Variants in TBC1D14 observed in about 807,000 individuals in gnomAD.
TBC1D14 encodes TBC1 domain family, member 14.
In TBC1D14, 26 loss-of-function variants were observed where a neutral mutation model predicts 79.0. The observed-to-expected ratio is 0.33, with a 90% CI of 0.24 to 0.46. The LOEUF (loss-of-function observed/expected upper bound fraction) is 0.46, where lower values mean the gene tolerates loss of function less well. TBC1D14 is among the 20% of genes least tolerant of loss of function. The probability of loss-of-function intolerance (pLI) is 1.00; values close to 1 mark genes in which losing one functional copy is unlikely to be tolerated. For synonymous variants in TBC1D14, 394 were observed against 349.9 expected, an observed-to-expected ratio of 1.13 and a Z score of -1.40; for missense variants, 769 against 887.6, an observed-to-expected ratio of 0.87 and a Z score of 1.70.
chr4:6,984,143 G>A (rs1265111404), intron 3 of TBC1D14, among the ~76,000 whole-genome samples: 1 of 152,210 alleles, frequency 6.6e-6, no homozygotes, highest in Non-Finnish European at 1.5e-5. Context: ...GGAAGACTCT[G>A]GCTTTGGGAT....
intron 3 of TBC1D14, chr4:6,987,563 T>A (rs1347384049): frequency 2.4e-6 from 1 of 409,008 alleles, no homozygotes; most frequent in Non-Finnish European, 4.3e-6. Flanking sequence ...CTCTCCTCCC[T>A]GGTACTCTTT....
chr4:6,944,562 G>C (rs138972038), intron 2 of TBC1D14, among the ~76,000 whole-genome samples: 199 of 152,348 alleles, frequency 1.3e-3, no homozygotes, highest in African/African-American at 4.3e-3. Context: ...GGCAGATGGA[G>C]TTCACTGTTA....
At chr4:6,945,784 GA>G (rs1713389534) in intron 2 of TBC1D14, among the ~76,000 whole-genome samples, 4 of 98,964 alleles carry the variant, frequency 4.0e-5, no homozygotes, top group African/African-American at 1.1e-4. Context: ...AAAAAAAAAA[GA>G]TGAAAGAAAG....
At position 6,977,079 on chromosome 4, in the gene TBC1D14, CT is replaced by C. The variant is rs1463597763; in HGVS notation, c.843+9656del. On this transcript the variant is annotated intron_variant, in intron 3 of 13. Coordinates refer to ENST00000409757, the MANE Select transcript of TBC1D14 (RefSeq NM_020773.3). ...CCCTCTCCCTCCTCTCCCTCTCCCT[CT>C]CCCTCTCCCCACTGTCTCCCTCTCC... is the stretch of plus-strand genomic sequence containing the variant. Among the ~76,000 whole-genome samples the C allele has an allele frequency of 2.7e-3, 72 of 26,946 alleles. 7 individuals are homozygous for C. Among genetic ancestry groups the C allele is most frequent in the African/African-American group, 5.0e-3 (66 of 13,254 alleles). The allele number at this position is 26,946 out of a possible 152,430, so 17.7% of individuals were successfully genotyped here. A position where few individuals can be genotyped will look rare whatever the true frequency, so the allele number is the denominator to read the frequency against.
At chr4:6,952,444 G>T (rs978102612) in intron 2 of TBC1D14, among the ~76,000 whole-genome samples, 1 of 152,190 alleles carries the variant, frequency 6.6e-6, no homozygotes, top group African/African-American at 2.4e-5. Context: ...CATCCCCTCT[G>T]GTCCCCTGGG....
intron 3 of TBC1D14, among the ~76,000 whole-genome samples, chr4:6,990,992 A>C (rs990888975): frequency 1.3e-5 from 2 of 152,148 alleles, no homozygotes; most frequent in African/African-American, 4.8e-5. Flanking sequence ...CAGTGAGCTT[A>C]CTGTTGTCAC....
intron 2 of TBC1D14, among the ~76,000 whole-genome samples, chr4:6,928,141 C>A (rs974624052): frequency 9.9e-5 from 15 of 152,224 alleles, no homozygotes; most frequent in Admixed American, 8.5e-4. Flanking sequence ...CTCAGATAAT[C>A]TGAGTGCCCT....
chr4:6,946,086 G>T (rs1203960621), intron 2 of TBC1D14, among the ~76,000 whole-genome samples: 1 of 152,142 alleles, frequency 6.6e-6, no homozygotes, highest in Non-Finnish European at 1.5e-5. Flanking sequence ...ACGATCTGAG[G>T]CAAGGTTCTG....
At chr4:7,021,226 G>A (rs536342877) in intron 12 of TBC1D14, among the ~76,000 whole-genome samples, 2 of 152,342 alleles carry the variant, frequency 1.3e-5, no homozygotes, top group East Asian at 1.9e-4. Context: ...CACGTATCAC[G>A]GGGGAAACAG....
At chr4:6,972,133 T>A (rs1331422932) in intron 3 of TBC1D14, among the ~76,000 whole-genome samples, 1 of 152,222 alleles carries the variant, frequency 6.6e-6, no homozygotes, top group Non-Finnish European at 1.5e-5. Flanking sequence ...ATGGCCCTTT[T>A]GTTTGTTTCA....
At chr4:6,925,207 C>T (rs1433555070) in intron 2 of TBC1D14, among the ~76,000 whole-genome samples, 3 of 152,082 alleles carry the variant, frequency 2.0e-5, no homozygotes, top group East Asian at 3.9e-4. Flanking sequence ...GCAGAGGTTG[C>T]GGTGAGCCGA....
chr4:6,961,311 G>T (rs6446556), intron 2 of TBC1D14, among the ~76,000 whole-genome samples: 147,122 of 152,156 alleles, frequency 0.97, 71,334 homozygotes, highest in Middle Eastern at 1. Context: ...TGAGCAGCCT[G>T]TGTGGACAAA....
chr4:6,987,061 A>T, intron 3 of TBC1D14: 1 of 604,462 alleles, frequency 1.7e-6, no homozygotes. Context: ...GTGGGGCCGT[A>T]CCACGGGGAC....
chr4:6,917,195 C>T (rs1383211554), intron 1 of TBC1D14, among the ~76,000 whole-genome samples: 1 of 152,210 alleles, frequency 6.6e-6, no homozygotes, highest in African/African-American at 2.4e-5. Context: ...CTGGGACTGT[C>T]CCTGGAAGCT....
chr4:6,933,860 G>A (rs531384063), intron 2 of TBC1D14, among the ~76,000 whole-genome samples: 2 of 152,312 alleles, frequency 1.3e-5, no homozygotes, highest in East Asian at 1.9e-4. Flanking sequence ...GGAGGCTGTT[G>A]CAAGAGTCCA....
chr4:7,006,968 A>G (rs529833979), intron 9 of TBC1D14, among the ~76,000 whole-genome samples: 188 of 152,244 alleles, frequency 1.2e-3, no homozygotes, highest in African/African-American at 4.4e-3. Flanking sequence ...TCCTCTTGAG[A>G]TACATGTCTC....
intron 2 of TBC1D14, 22 bp from the exon 3 acceptor site, chr4:6,967,282 C>G (rs1416596350): frequency 6.2e-6 from 10 of 1,611,868 alleles, no homozygotes; most frequent in Admixed American, 3.4e-5. Context: ...AATGCCCTAA[C>G]CTTGTTATTT....
In TBC1D14 at chr4:7,030,465, C is replaced by A; in HGVS notation, c.*73C>A. 1.3e-6 allele frequency: 2 copies of A among 1,503,864 alleles called. No homozygotes were observed. The highest frequency in any genetic ancestry group is 1.8e-6 in the Non-Finnish European group (2 of 1,084,006). 93.2% of individuals were successfully genotyped at this position (1,503,864 alleles called of 1,614,324 possible). A position where few individuals can be genotyped will look rare whatever the true frequency, so the allele number is the denominator to read the frequency against. ...CGGCCCCTCTGTTGTTTCAGACTGACACCCGGGCAGCCGAGAAGAACAGAC... is the reference window on the plus strand; with the variant it reads ...CGGCCCCTCTGTTGTTTCAGACTGAAACCCGGGCAGCCGAGAAGAACAGAC... On this transcript the variant is annotated 3_prime_UTR_variant, in exon 14 of 14. Coordinates refer to ENST00000409757, the MANE Select transcript of TBC1D14 (RefSeq NM_020773.3).
At chr4:6,929,762 G>C (rs1333000546) in intron 2 of TBC1D14, among the ~76,000 whole-genome samples, 1 of 152,224 alleles carries the variant, frequency 6.6e-6, no homozygotes, top group Non-Finnish European at 1.5e-5. Flanking sequence ...GCCTTGATGA[G>C]AATGAGTTAA....
Sources: allele counts gnomAD v4.1 joint callset (sites outside exome capture counted in the v4.1 genomes callset), GRCh38; gene constraint gnomAD v4.1.1; transcripts MANE v1.5; gene names NCBI Gene and HGNC (gene_info 2026-07-23, HGNC 2026-07-21).